The following CADM1 variants were observed in gnomAD, a reference collection of about 807,000 sequenced individuals.
The protein encoded by CADM1 is TSLC-1.
In CADM1, 15 loss-of-function variants were observed where a neutral mutation model predicts 53.1. That is an observed-to-expected ratio of 0.28 (90% CI 0.19 to 0.44). The LOEUF is 0.44. CADM1 is among the 20% of genes least tolerant of loss of function. CADM1 has a pLI of 1.00. For synonymous variants in CADM1, 281 were observed against 243.0 expected, an observed-to-expected ratio of 1.16 and a Z score of -1.45; for missense variants, 434 against 611.3, an observed-to-expected ratio of 0.71 and a Z score of 3.06.
chr11:115,484,783 TAAAAATAC>T (rs761402125), intron 1 of CADM1, among the ~76,000 whole-genome samples: 8 of 151,664 alleles, frequency 5.3e-5, no homozygotes, highest in Non-Finnish European at 1.2e-4. Context: ...CCATCTCTAC[TAAAAATAC>T]AAAAAATTAG....
At chr11:115,484,746 G>C (rs1487582357) in intron 1 of CADM1, among the ~76,000 whole-genome samples, 2 of 152,044 alleles carry the variant, frequency 1.3e-5, no homozygotes, top group African/African-American at 2.4e-5. Context: ...AGGAGATTGA[G>C]ACCATCCTGG....
chr11:115,231,304 T>A, intron 4 of CADM1, 49 bp downstream of exon 4: 1 of 1,603,406 alleles, frequency 6.2e-7, no homozygotes, highest in Non-Finnish European at 8.5e-7. Flanking sequence ...CAAAGGCATA[T>A]CTGCTAGAAT....
At chr11:115,405,523 TAAG>T (rs1290102134) in intron 1 of CADM1, among the ~76,000 whole-genome samples, 4 of 152,122 alleles carry the variant, frequency 2.6e-5, no homozygotes, top group African/African-American at 9.7e-5. Flanking sequence ...AAGACACATA[TAAG>T]AATGGTCATC....
At chr11:115,180,964 T>G (rs1347983298) in intron 10 of CADM1, among the ~76,000 whole-genome samples, 1 of 152,110 alleles carries the variant, frequency 6.6e-6, no homozygotes, top group Non-Finnish European at 1.5e-5. Flanking sequence ...CAAGTGAGAC[T>G]AGACATTGAG....
chr11:115,270,949 T>A (rs1465944761), intron 1 of CADM1, among the ~76,000 whole-genome samples: 1 of 152,110 alleles, frequency 6.6e-6, no homozygotes, highest in Non-Finnish European at 1.5e-5. Flanking sequence ...ATTAGCAGTA[T>A]GAAAAACATC....
At chr11:115,179,508 G>A (rs999012476) in intron 10 of CADM1, among the ~76,000 whole-genome samples, 1 of 152,204 alleles carries the variant, frequency 6.6e-6, no homozygotes, top group Non-Finnish European at 1.5e-5. Flanking sequence ...GGAACGACAT[G>A]TTTGGCTGGG....
intron 1 of CADM1, among the ~76,000 whole-genome samples, chr11:115,269,143 G>A (rs188598679): frequency 3.3e-5 from 5 of 152,214 alleles, no homozygotes; most frequent in Admixed American, 2.0e-4. Flanking sequence ...TCCAATCTAA[G>A]TGTACAATCC....
chr11:115,205,270 G>T (rs1307378357), intron 8 of CADM1, among the ~76,000 whole-genome samples: 2 of 152,068 alleles, frequency 1.3e-5, no homozygotes, highest in South Asian at 2.1e-4. Flanking sequence ...CAACAGCCAC[G>T]CTAACTAGGA....
chr11:115,248,917 A>AG (rs988692369), intron 1 of CADM1, among the ~76,000 whole-genome samples: 10 of 152,164 alleles, frequency 6.6e-5, no homozygotes, highest in African/African-American at 1.4e-4. Flanking sequence ...CCTTGGGAGA[A>AG]GGGGGGCTCT....
intron 1 of CADM1, among the ~76,000 whole-genome samples, chr11:115,353,011 T>C (rs777533330): frequency 5.3e-5 from 8 of 152,260 alleles, no homozygotes; most frequent in Non-Finnish European, 8.8e-5. Context: ...ACTTGATTTC[T>C]CTTGAGATAA....
chr11:115,440,484 C>A (rs979756294), intron 1 of CADM1, among the ~76,000 whole-genome samples: 8 of 152,160 alleles, frequency 5.3e-5, no homozygotes, highest in African/African-American at 1.7e-4. Context: ...GAAATTATAA[C>A]CTGGAGTTTA....
intron 2 of CADM1, among the ~76,000 whole-genome samples, 181 bp from the exon 3 acceptor site, chr11:115,238,833 TGTGA>T (rs1321625693): frequency 6.6e-6 from 1 of 152,098 alleles, no homozygotes; most frequent in Non-Finnish European, 1.5e-5. Context: ...TCAGTGTATG[TGTGA>T]GTGTGTGTGT....
chr11:115,310,757 T>A (rs1944512597), intron 1 of CADM1, among the ~76,000 whole-genome samples: 1 of 152,094 alleles, frequency 6.6e-6, no homozygotes, highest in African/African-American at 2.4e-5. Flanking sequence ...CTGCACCTCA[T>A]CACTAGATCT....
chr11:115,182,165 G>A (rs1054310610), intron 10 of CADM1, among the ~76,000 whole-genome samples: 10 of 152,140 alleles, frequency 6.6e-5, no homozygotes, highest in South Asian at 2.1e-4. Context: ...TCAGATTCCC[G>A]GCTCATTTTC....
chr11:115,203,667 G>A (rs1940543272), intron 8 of CADM1, among the ~76,000 whole-genome samples: 1 of 152,098 alleles, frequency 6.6e-6, no homozygotes, highest in African/African-American at 2.4e-5. Flanking sequence ...AGAGCATAAA[G>A]TTATTGAAAT....
chr11:115,361,242 T>A (rs996284809), intron 1 of CADM1, among the ~76,000 whole-genome samples: 8 of 152,280 alleles, frequency 5.3e-5, no homozygotes, highest in Admixed American at 4.6e-4. Context: ...TCATCCTTTA[T>A]AAACTAGAGC....
intron 1 of CADM1, among the ~76,000 whole-genome samples, chr11:115,309,796 A>G (rs1418761835): frequency 6.6e-6 from 1 of 152,136 alleles, no homozygotes; most frequent in Non-Finnish European, 1.5e-5. Flanking sequence ...GATAACAACA[A>G]TATCTATCTC....
At chr11:115,370,126 G>A (rs867321153) in intron 1 of CADM1, among the ~76,000 whole-genome samples, 26 of 152,010 alleles carry the variant, frequency 1.7e-4, no homozygotes, top group Admixed American at 9.8e-4. Flanking sequence ...AAAGAATTAC[G>A]GGAACAAAAA....
At chr11:115,337,612 G>A (rs563967638) in intron 1 of CADM1, among the ~76,000 whole-genome samples, 38 of 152,072 alleles carry the variant, frequency 2.5e-4, no homozygotes, top group Non-Finnish European at 4.1e-4. Flanking sequence ...GCTGTTTAAC[G>A]TTTGATATGC....
Sources: allele counts gnomAD v4.1 joint callset (sites outside exome capture counted in the v4.1 genomes callset), GRCh38; gene constraint gnomAD v4.1.1; transcripts MANE v1.5; gene names NCBI Gene and HGNC (gene_info 2026-07-23, HGNC 2026-07-21).